The following RHOJ variants were observed in gnomAD, a reference collection of about 807,000 sequenced individuals.
The protein encoded by RHOJ is rho-related GTP-binding protein RhoJ.
A neutral mutation model predicts 23.4 loss-of-function variants in RHOJ; 11 were observed. That is an observed-to-expected ratio of 0.47 (90% CI 0.30 to 0.78). The LOEUF is 0.78. RHOJ is among the 30% of genes least tolerant of loss of function. The probability of loss-of-function intolerance (pLI) is 0.08; values close to 1 mark genes in which losing one functional copy is unlikely to be tolerated. For missense variants in RHOJ, 254 were observed against 273.4 expected, an observed-to-expected ratio of 0.93 and a Z score of 0.50; for synonymous variants, 102 against 102.7, an observed-to-expected ratio of 0.99 and a Z score of 0.04.
chr14:63,230,541 C>T (rs1894671500), intron 1 of RHOJ, among the ~76,000 whole-genome samples: 1 of 152,144 alleles, frequency 6.6e-6, no homozygotes, highest in Non-Finnish European at 1.5e-5. Context: ...ACATGACTGT[C>T]CTTCACACCT....
chr14:63,269,771 A>G (rs2139655430), intron 2 of RHOJ, among the ~76,000 whole-genome samples: 1 of 152,336 alleles, frequency 6.6e-6, no homozygotes, highest in Admixed American at 6.5e-5. Context: ...TGTTTCTTCA[A>G]GTTGGAGAAA....
At chr14:63,261,749 C>T (rs975329451) in intron 1 of RHOJ, among the ~76,000 whole-genome samples, 2 of 152,042 alleles carry the variant, frequency 1.3e-5, no homozygotes, top group African/African-American at 2.4e-5. Context: ...CCTAACATTG[C>T]TTTTTAAATA....
chr14:63,221,713 C>T (rs1353817067), intron 1 of RHOJ, among the ~76,000 whole-genome samples: 1 of 152,170 alleles, frequency 6.6e-6, no homozygotes, highest in Non-Finnish European at 1.5e-5. Context: ...GTCATGGCAT[C>T]CCCCTTCAGA....
At chr14:63,210,237 G>A (rs1894205193) in intron 1 of RHOJ, among the ~76,000 whole-genome samples, 1 of 152,138 alleles carries the variant, frequency 6.6e-6, no homozygotes, top group Non-Finnish European at 1.5e-5. Flanking sequence ...TGGGATTACA[G>A]GCGTGAACCA....
At chr14:63,275,684 T>C (rs1381163913) in intron 2 of RHOJ, among the ~76,000 whole-genome samples, 1 of 152,222 alleles carries the variant, frequency 6.6e-6, no homozygotes, top group Non-Finnish European at 1.5e-5. Flanking sequence ...TGAGCCTCTC[T>C]TTTAGATTAA....
chr14:63,226,447 A>G (rs1894595269), intron 1 of RHOJ, among the ~76,000 whole-genome samples: 1 of 151,986 alleles, frequency 6.6e-6, no homozygotes, highest in African/African-American at 2.4e-5. Context: ...CCTGTAGAAA[A>G]CACATTAAGG....
intron 1 of RHOJ, among the ~76,000 whole-genome samples, chr14:63,239,187 C>A (rs543533064): frequency 2.5e-4 from 38 of 152,266 alleles, no homozygotes; most frequent in African/African-American, 8.9e-4. Context: ...TCTCGACTCA[C>A]CGCAACCTCC....
intron 1 of RHOJ, among the ~76,000 whole-genome samples, chr14:63,260,588 A>G (rs188675131): frequency 1.0e-3 from 153 of 152,354 alleles, no homozygotes; most frequent in Admixed American, 2.7e-3. Context: ...CAAAGAATGG[A>G]AAAAATAAAG....
At chr14:63,257,564 C>A (rs1456454719) in intron 1 of RHOJ, among the ~76,000 whole-genome samples, 2 of 150,074 alleles carry the variant, frequency 1.3e-5, no homozygotes, top group Non-Finnish European at 3.0e-5. Context: ...CAGACTGAAC[C>A]AGCCCCTTCT....
At chr14:63,274,498 A>G (rs61996648) in intron 2 of RHOJ, among the ~76,000 whole-genome samples, 17 of 152,280 alleles carry the variant, frequency 1.1e-4, no homozygotes, top group African/African-American at 1.7e-4. Flanking sequence ...ATTACTACTC[A>G]GTTCAGAAAA....
intron 1 of RHOJ, among the ~76,000 whole-genome samples, chr14:63,238,850 A>C (rs1361162951): frequency 6.6e-6 from 1 of 152,174 alleles, no homozygotes. Flanking sequence ...GGATCCTGGA[A>C]GGTAACTGTG....
intron 4 of RHOJ, among the ~76,000 whole-genome samples, chr14:63,287,452 G>C: frequency 6.6e-6 from 1 of 152,112 alleles, no homozygotes; most frequent in East Asian, 1.9e-4. Flanking sequence ...AAATCCATGA[G>C]CCCTCTCAGA....
intron 1 of RHOJ, among the ~76,000 whole-genome samples, chr14:63,239,234 C>T (rs1292084122): frequency 6.6e-6 from 1 of 152,164 alleles, no homozygotes; most frequent in East Asian, 1.9e-4. Flanking sequence ...GCTTCAGCCT[C>T]CTGAGTAGCT....
intron 1 of RHOJ, among the ~76,000 whole-genome samples, chr14:63,211,193 GA>G (rs202077571): frequency 6.6e-6 from 1 of 151,118 alleles, no homozygotes; most frequent in Non-Finnish European, 1.5e-5. Context: ...TCCACAGGGG[GA>G]AAAAATAACA....
At chr14:63,257,537 C>A (rs1267358713) in intron 1 of RHOJ, among the ~76,000 whole-genome samples, 2 of 150,070 alleles carry the variant, frequency 1.3e-5, no homozygotes, top group African/African-American at 4.9e-5. Context: ...GAGCCAGGCC[C>A]GAACAGCCTA....
intron 2 of RHOJ, among the ~76,000 whole-genome samples, chr14:63,278,769 G>C (rs1594776635): frequency 1.3e-5 from 2 of 152,166 alleles, no homozygotes; most frequent in African/African-American, 4.8e-5. Context: ...AGGATTGCTT[G>C]AGCCCAGGAG....
chr14:63,208,268 A>G (rs1894157809), intron 1 of RHOJ, among the ~76,000 whole-genome samples: 1 of 152,186 alleles, frequency 6.6e-6, no homozygotes, highest in Non-Finnish European at 1.5e-5. Context: ...CCTACCTCCT[A>G]CCTACCAAAA....
chr14:63,226,092 C>A (rs1894589652), intron 1 of RHOJ, among the ~76,000 whole-genome samples: 1 of 151,984 alleles, frequency 6.6e-6, no homozygotes, highest in East Asian at 1.9e-4. Flanking sequence ...ATATAATAAT[C>A]AATTTTTGAA....
Position 63,255,660 on chromosome 14 carries a change from C to G in RHOJ, c.179-13450C>G, listed in dbSNP as rs566006502. Reference sequence around the variant, plus strand: ...GAGAAAACAGCTCCAGCCCTGCTTGCCGCCCTGTCTCACACTCAACTGAAG... The same window carrying G: ...GAGAAAACAGCTCCAGCCCTGCTTGGCGCCCTGTCTCACACTCAACTGAAG... On this transcript the variant is annotated intron_variant, in intron 1 of 4. Transcript: ENST00000316754. Among the ~76,000 whole-genome samples, 8 of 150,552 alleles carry G rather than the reference C, an allele frequency of 5.3e-5. No individual in the cohort carries two copies. In the South Asian group the frequency reaches 1.7e-3, roughly 32 times the overall value.
Sources: gnomAD v4.1 joint callset for allele counts (sites outside exome capture counted in the v4.1 genomes callset) on GRCh38, gnomAD v4.1.1 for gene constraint, MANE v1.5 for transcripts, NCBI Gene and HGNC (gene_info 2026-07-23, HGNC 2026-07-21) for gene names.